FER1L5: variants seen among roughly 807,000 people sequenced by gnomAD.
FER1L5 encodes the protein fer-1-like protein 5.
A neutral mutation model predicts 279.9 loss-of-function variants in FER1L5; 187 were observed. The observed-to-expected ratio is 0.67, with a 90% CI of 0.59 to 0.75. FER1L5 has a LOEUF of 0.75. Ranked by LOEUF, FER1L5 falls within the 30% of genes least tolerant of loss-of-function variation. The pLI is 0.00. For missense variants in FER1L5, 2,091 were observed against 2,594.4 expected, an observed-to-expected ratio of 0.81 and a Z score of 4.21; for synonymous variants, 921 against 989.7, an observed-to-expected ratio of 0.93 and a Z score of 1.30.
intron 8 of FER1L5, chr2:96,654,196 G>C (rs1427970826): frequency 2.8e-6 from 1 of 351,072 alleles, no homozygotes; most frequent in Non-Finnish European, 5.1e-6. Context: ...ACCTTGCTTT[G>C]TGTTGACTTG....
intron 19 of FER1L5, among the ~76,000 whole-genome samples, chr2:96,674,625 T>A (rs972177332): frequency 1.3e-5 from 2 of 152,152 alleles, no homozygotes; most frequent in Admixed American, 1.3e-4. Flanking sequence ...GCATGTCTAC[T>A]TGATTTTAGT....
Position 96,691,393 on chromosome 2 carries a change from G to C in FER1L5, c.2907+40G>C. 1 of 1,538,052 alleles carries C rather than the reference G, an allele frequency of 6.5e-7. No individual in the cohort carries two copies. The highest frequency in any genetic ancestry group is 2.5e-5 in the East Asian group (1 of 40,670). On this transcript the variant is annotated intron_variant, in intron 28 of 52. Coordinates refer to ENST00000624922, the MANE Select transcript of FER1L5 (RefSeq NM_001293083.2). The surrounding 1 kb of genome is among the most constrained non-coding windows in gnomAD (Gnocchi z 6.0). ...GGCGCCCTGGCTGGGACTGCGGGCAGGGCCGCCTTGGCTGCTGCAGGAACA... is the reference window on the plus strand; with the variant it reads ...GGCGCCCTGGCTGGGACTGCGGGCACGGCCGCCTTGGCTGCTGCAGGAACA...
Position 96,702,316 on chromosome 2 carries a change from C to T in FER1L5, c.5170C>T (p.Arg1724Ter), listed in dbSNP as rs769361160. ...GCACAGTGGCCACAGGTATGAGCTG[C>T]GATGCATCATCTGGAAGACTGCCAA... Reference protein sequence around the residue: ...NPRKPKRYELRCIIWKTANVD... With the variant: ...NPRKPKRYEL Residue 1724 changes from arginine (R) to a stop codon, truncating the protein, a stop_gained, in exon 47 of 53, where the codon CGA becomes TGA. Transcript: ENST00000624922. LOFTEE classifies it high-confidence loss of function. The surrounding 1 kb of genome is among the most constrained non-coding windows in gnomAD (Gnocchi z 4.0). 1.4e-5 allele frequency: 23 copies of T among 1,611,720 alleles called. No homozygotes were observed. The South Asian group carries it at 1.5e-4, about 11-fold the overall frequency.
At chr2:96,669,769 G>A (rs538016669) in intron 17 of FER1L5, among the ~76,000 whole-genome samples, 17 of 152,274 alleles carry the variant, frequency 1.1e-4, no homozygotes, top group Admixed American at 1.1e-3. Flanking sequence ...TCCTCCTTAG[G>A]TCATGTGTGC....
chr2:96,675,706 C>T (rs1279783519), intron 19 of FER1L5, among the ~76,000 whole-genome samples: 5 of 152,072 alleles, frequency 3.3e-5, no homozygotes, highest in East Asian at 1.9e-4. Flanking sequence ...GGATTACAGG[C>T]GTGAGACACT....
intron 10 of FER1L5, 150 bp downstream of exon 10, chr2:96,660,521 G>A: frequency 1.4e-6 from 1 of 692,286 alleles, no homozygotes; most frequent in South Asian, 1.9e-5. Context: ...ATATTTCACT[G>A]TACATTGTGG....
intron 6 of FER1L5, among the ~76,000 whole-genome samples, chr2:96,650,564 G>A (rs2075318980): frequency 6.6e-6 from 1 of 152,208 alleles, no homozygotes; most frequent in Admixed American, 6.5e-5. Context: ...CAGCGCAGAT[G>A]AGAGAGATCC....
intron 6 of FER1L5, among the ~76,000 whole-genome samples, chr2:96,650,779 G>A (rs939494937): frequency 2.0e-5 from 3 of 152,170 alleles, no homozygotes; most frequent in Admixed American, 2.0e-4. Context: ...TTCCTGCCGT[G>A]GTTTTACCTG....
intron 31 of FER1L5, 60 bp downstream of exon 31, chr2:96,692,241 T>C (rs1254855634): frequency 3.9e-6 from 6 of 1,528,390 alleles, no homozygotes; most frequent in Non-Finnish European, 5.3e-6. Flanking sequence ...GAGAGCAGGG[T>C]TGTGTTCCTG....
Position 96,673,315 on chromosome 2 carries a change from G to A in FER1L5, c.1669+61G>A, listed in dbSNP as rs182531987. The A allele has an allele frequency of 3.2e-3, 4,714 of 1,464,368 alleles. 16 individuals are homozygous for A. The highest frequency in any genetic ancestry group is 6.3e-3 in the Middle Eastern group (36 of 5,724). 90.7% of individuals were successfully genotyped at this position (1,464,368 alleles called of 1,614,324 possible). On this transcript the variant is annotated intron_variant, in intron 19 of 52. Coordinates refer to ENST00000624922, the MANE Select transcript of FER1L5 (RefSeq NM_001293083.2). ...CCACTGCATGCCAGGCCCTGTGCTA[G>A]GCTCTCTCAGGGGTATTAGCTCATG...
intron 9 of FER1L5, among the ~76,000 whole-genome samples, chr2:96,659,293 C>CCTTCCTTCCTT (rs2075738444): frequency 9.3e-5 from 2 of 21,572 alleles, no homozygotes; most frequent in Non-Finnish European, 2.1e-4. Context: ...ATCAAGCTTT[C>CCTTCCTTCCTT]CTTCCTTCCT....
intron 14 of FER1L5, among the ~76,000 whole-genome samples, chr2:96,666,647 T>G (rs536822713): frequency 1.3e-5 from 2 of 151,714 alleles, no homozygotes; most frequent in South Asian, 4.2e-4. Context: ...GATTTTTTTC[T>G]TTTATTTATT....
In FER1L5 at chr2:96,693,497, C is replaced by T. The variant is rs1342190390; in HGVS notation, c.3293-9C>T. ...CAAGACACTGCTACCTTCTCCTCTACCCCTCCAGGGCCCTTCATTCGGGTG... is the reference window on the plus strand; with the variant it reads ...CAAGACACTGCTACCTTCTCCTCTATCCCTCCAGGGCCCTTCATTCGGGTG... On this transcript the variant is annotated splice_polypyrimidine_tract_variant and intron_variant, in intron 31 of 52. Coordinates refer to ENST00000624922, the MANE Select transcript of FER1L5 (RefSeq NM_001293083.2). 6.5e-7 allele frequency: 1 copy of T among 1,548,666 alleles called. No individual in the cohort carries two copies. Among genetic ancestry groups the T allele is most frequent in the Non-Finnish European group, 8.7e-7 (1 of 1,145,324 alleles).
At chr2:96,664,810 C>A (rs1374457008) in intron 14 of FER1L5, among the ~76,000 whole-genome samples, 2 of 152,168 alleles carry the variant, frequency 1.3e-5, no homozygotes, top group African/African-American at 4.8e-5. Context: ...AAAAACAAAA[C>A]AAATCCCTTT....
chr2:96,648,587 T>C (rs2075234640), intron 4 of FER1L5, among the ~76,000 whole-genome samples: 1 of 152,238 alleles, frequency 6.6e-6, no homozygotes, highest in Non-Finnish European at 1.5e-5. Context: ...CTGCCAGTTA[T>C]TAATCAAGGC....
Position 96,689,150 on chromosome 2 carries a change from GGC to G in FER1L5, c.2362-62_2362-61del. ...GCCCAGAGTCAGGGGGCCCAGGGGA[GGC>G]CCATGTCCCCGCACTTTGTGCTAGA... On this transcript the variant is annotated intron_variant, in intron 24 of 52. Transcript: ENST00000624922. The surrounding 1 kb of genome is among the most constrained non-coding windows in gnomAD (Gnocchi z 4.6). The G allele has an allele frequency of 6.7e-7, 1 of 1,501,436 alleles. No individual in the cohort carries two copies. The highest frequency in any genetic ancestry group is 1.3e-5 in the South Asian group (1 of 76,170). The allele number at this position is 1,501,436 out of a possible 1,614,324, so 93.0% of individuals were successfully genotyped here.
Position 96,704,528 on chromosome 2 carries a change from T to C in FER1L5, c.6010T>C (p.Phe2004Leu), listed in dbSNP as rs754439962. The C allele has an allele frequency of 2.8e-5, 45 of 1,613,812 alleles. No individual in the cohort carries two copies. The highest frequency in any genetic ancestry group is 3.0e-5 in the Non-Finnish European group (35 of 1,179,900). The change falls in exon 53 of 53, where the codon TTC (phenylalanine) becomes CTC (leucine). Residue 2004 changes from phenylalanine to leucine, a missense_variant. Coordinates refer to ENST00000624922, the MANE Select transcript of FER1L5 (RefSeq NM_001293083.2). ...QLQLYPPIKIFNIINSLNTSN... is the reference protein window; with the variant it reads ...QLQLYPPIKILNIINSLNTSN... Reference sequence around the variant, plus strand: ...TCAGCTGTATCCTCCCATTAAAATATTCAATATCATCAATTCACTAAACAC... The same window carrying C: ...TCAGCTGTATCCTCCCATTAAAATACTCAATATCATCAATTCACTAAACAC...
chr2:96,696,611 A>T (rs187493493), intron 37 of FER1L5, among the ~76,000 whole-genome samples: 110 of 150,598 alleles, frequency 7.3e-4, no homozygotes, highest in East Asian at 4.9e-3. Flanking sequence ...TTAAAAAAAA[A>T]TTTTTTTGGC....
At position 96,689,810 on chromosome 2, in the gene FER1L5, C is replaced by A; in HGVS notation, c.2640+52C>A. The A allele has an allele frequency of 6.9e-7, 1 of 1,440,676 alleles. No homozygotes were observed. Among genetic ancestry groups the A allele is most frequent in the Non-Finnish European group, 9.3e-7 (1 of 1,073,026 alleles). 89.2% of individuals were successfully genotyped at this position (1,440,676 alleles called of 1,614,324 possible). On this transcript the variant is annotated intron_variant, in intron 26 of 52. Coordinates refer to ENST00000624922, the MANE Select transcript of FER1L5 (RefSeq NM_001293083.2). The surrounding 1 kb of genome is among the most constrained non-coding windows in gnomAD (Gnocchi z 4.6). ...TTAGGGGGCAAGCAAGGCCACCAGG[C>A]GGGGCGCCTTGGAAGCTGGGGGTCC... is the stretch of plus-strand genomic sequence containing the variant.
Sources: allele counts gnomAD v4.1 joint callset (sites outside exome capture counted in the v4.1 genomes callset), GRCh38; gene constraint gnomAD v4.1.1; non-coding constraint Gnocchi (gnomAD v3.1); transcripts MANE v1.5; gene names NCBI Gene and HGNC (gene_info 2026-07-23, HGNC 2026-07-21).